Variants in COL22A1 observed in about 807,000 individuals in gnomAD.
COL22A1 encodes collagen type XXII alpha 1 chain, also known as collagen alpha-1(XXII) chain.
In COL22A1, 221 loss-of-function variants were observed where a neutral mutation model predicts 248.9. The observed-to-expected ratio is 0.89, with a 90% CI of 0.80 to 0.99. The LOEUF is 0.99. Among genes scored for constraint, COL22A1 ranks in the 50% least tolerant of loss-of-function variants. The pLI, the probability that COL22A1 is intolerant of heterozygous loss-of-function variation, is 0.00. For missense variants in COL22A1, 2,240 were observed against 2,179.0 expected, an observed-to-expected ratio of 1.03 and a Z score of -0.56; for synonymous variants, 891 against 793.4, an observed-to-expected ratio of 1.12 and a Z score of -2.07.
At chr8:138,833,004 C>T (rs559230456) in intron 5 of COL22A1, 35 bp downstream of exon 5, 2 of 1,417,358 alleles carry the variant, frequency 1.4e-6, no homozygotes, top group African/African-American at 1.4e-5. Context: ...CCCATGACAC[C>T]CTGGGCAGGT....
chr8:138,827,603 C>A (rs1465419270), intron 5 of COL22A1, among the ~76,000 whole-genome samples: 2 of 152,130 alleles, frequency 1.3e-5, no homozygotes, highest in East Asian at 3.9e-4. Context: ...AGCCTCTCAC[C>A]TCAGGGAGGC....
intron 4 of COL22A1, among the ~76,000 whole-genome samples, chr8:138,839,168 TGGAA>T (rs1399176700): frequency 6.6e-6 from 1 of 152,148 alleles, no homozygotes; most frequent in African/African-American, 2.4e-5. Flanking sequence ...GGGTCATTTG[TGGAA>T]GGAGAGAAGA....
chr8:138,724,681 C>A lies in COL22A1; in HGVS notation c.2194-13G>T. The A allele has an allele frequency of 6.2e-7, 1 of 1,613,424 alleles. No individual in the cohort carries two copies. The highest frequency in any genetic ancestry group is 8.5e-7 in the Non-Finnish European group (1 of 1,179,322). ...CTCCAGGCAAACCCTGAAAGGGGAC[C>A]ACATGGACCCTGTTAGCCTGGCCTG... On this transcript the variant is annotated splice_polypyrimidine_tract_variant and intron_variant, in intron 24 of 64. Coordinates refer to ENST00000303045, the MANE Select transcript of COL22A1 (RefSeq NM_152888.3).
At chr8:138,729,210 C>T (rs926343091) in intron 23 of COL22A1, among the ~76,000 whole-genome samples, 4 of 152,170 alleles carry the variant, frequency 2.6e-5, no homozygotes, top group African/African-American at 9.7e-5. Context: ...CTTCTCTCCT[C>T]CCAAGCCCAG....
chr8:138,623,855 T>A lies in COL22A1; in HGVS notation c.3718-70A>T, dbSNP rs1283430295. On this transcript the variant is annotated intron_variant, in intron 51 of 64. Transcript: ENST00000303045. ...AGGGGATGGAAAGACGAAGGCAGTT[T>A]CAGCATGTCTTCCTGCCCAGCTTCC... 5.0e-6 allele frequency: 7 copies of A among 1,388,986 alleles called. No homozygotes were observed. The African/African-American group carries it at 1.0e-4, about 20-fold the overall frequency. 86.0% of individuals were successfully genotyped at this position (1,388,986 alleles called of 1,614,324 possible). A position where few individuals can be genotyped will look rare whatever the true frequency, so the allele number is the denominator to read the frequency against.
intron 23 of COL22A1, among the ~76,000 whole-genome samples, chr8:138,727,597 A>T (rs1830413249): frequency 6.6e-6 from 1 of 152,218 alleles, no homozygotes; most frequent in Non-Finnish European, 1.5e-5. Flanking sequence ...AGGTGGCCGC[A>T]TCGGTGAACT....
At chr8:138,865,967 GTA>G (rs1418588954) in intron 3 of COL22A1, among the ~76,000 whole-genome samples, 2 of 151,866 alleles carry the variant, frequency 1.3e-5, no homozygotes, top group South Asian at 2.1e-4. Context: ...CTGTGTGTGA[GTA>G]TATGTGTGTG....
chr8:138,796,940 T>G, intron 11 of COL22A1, 83 bp from the exon 12 acceptor site: 2 of 913,664 alleles, frequency 2.2e-6, no homozygotes, highest in East Asian at 4.8e-5. Context: ...ATCCCGAGAT[T>G]TGAAAGGATT....
chr8:138,832,584 G>A (rs979127045), intron 5 of COL22A1, among the ~76,000 whole-genome samples: 4 of 152,104 alleles, frequency 2.6e-5, no homozygotes, highest in Non-Finnish European at 5.9e-5. Context: ...AGGCACAAGG[G>A]CATTCAGTAA....
At chr8:138,632,219 T>C (rs1328037007) in intron 49 of COL22A1, among the ~76,000 whole-genome samples, 2 of 152,178 alleles carry the variant, frequency 1.3e-5, no homozygotes, top group Non-Finnish European at 2.9e-5. Context: ...TGCAGCCTCT[T>C]AGAGTTCGAG....
chr8:138,607,083 C>T (rs756921022), intron 57 of COL22A1, among the ~76,000 whole-genome samples: 1 of 152,102 alleles, frequency 6.6e-6, no homozygotes, highest in Non-Finnish European at 1.5e-5. Context: ...GGAGGGTCTC[C>T]GCTAGGGTGA....
intron 23 of COL22A1, among the ~76,000 whole-genome samples, chr8:138,730,018 A>G (rs932662801): frequency 2.0e-5 from 3 of 152,212 alleles, no homozygotes; most frequent in Non-Finnish European, 2.9e-5. Flanking sequence ...AGGGCCTTTC[A>G]GCCCACGGCT....
chr8:138,774,141 C>G (rs368710638), intron 16 of COL22A1, among the ~76,000 whole-genome samples: 4 of 151,818 alleles, frequency 2.6e-5, no homozygotes, highest in Non-Finnish European at 5.9e-5. Flanking sequence ...GAAGAGGTAA[C>G]GGTAAGGGTT....
intron 3 of COL22A1, among the ~76,000 whole-genome samples, chr8:138,856,095 G>C (rs1225341017): frequency 3.3e-5 from 5 of 152,216 alleles, no homozygotes; most frequent in Admixed American, 6.5e-5. Context: ...AGGGGGGCCT[G>C]CTCATTAGCA....
chr8:138,903,045 C>A (rs1389379034), intron 1 of COL22A1, among the ~76,000 whole-genome samples: 1 of 152,100 alleles, frequency 6.6e-6, no homozygotes, highest in Admixed American at 6.6e-5. Flanking sequence ...CCCTCCCTAT[C>A]GCGAATTGTC....
chr8:138,661,681 G>A (rs1405582530), intron 43 of COL22A1, among the ~76,000 whole-genome samples: 1 of 152,202 alleles, frequency 6.6e-6, no homozygotes, highest in Non-Finnish European at 1.5e-5. Context: ...CCAGGGAAGG[G>A]TCAGGGGCAA....
intron 3 of COL22A1, among the ~76,000 whole-genome samples, chr8:138,875,967 C>T (rs2132032394): frequency 6.6e-6 from 1 of 152,264 alleles, no homozygotes; most frequent in Non-Finnish European, 1.5e-5. Context: ...CTGGATCTCT[C>T]ACAATTATCT....
chr8:138,681,219 A>C (rs1179779031), intron 39 of COL22A1, among the ~76,000 whole-genome samples: 1 of 152,222 alleles, frequency 6.6e-6, no homozygotes, highest in Non-Finnish European at 1.5e-5. Flanking sequence ...TTTACTGAGC[A>C]GGTAACTGTG....
chr8:138,813,300 G>A (rs1177813748), intron 7 of COL22A1, among the ~76,000 whole-genome samples: 6 of 65,782 alleles, frequency 9.1e-5, no homozygotes, highest in Non-Finnish European at 1.2e-4. Context: ...GGAGGGACCC[G>A]GTGGGAGATA....
Sources: allele counts gnomAD v4.1 joint callset (sites outside exome capture counted in the v4.1 genomes callset), GRCh38; gene constraint gnomAD v4.1.1; transcripts MANE v1.5; gene names NCBI Gene and HGNC (gene_info 2026-07-23, HGNC 2026-07-21).